The following AK5 variants were observed in gnomAD, a reference collection of about 807,000 sequenced individuals.
AK5 encodes adenylate kinase isoenzyme 5.
AK5 carries 27 observed loss-of-function variants against 69.5 expected under a neutral mutation model. The observed-to-expected ratio is 0.39, with a 90% CI of 0.29 to 0.54. The LOEUF (loss-of-function observed/expected upper bound fraction) is 0.54, where lower values mean the gene tolerates loss of function less well. AK5 is among the 20% of genes least tolerant of loss of function. The pLI, the probability that AK5 is intolerant of heterozygous loss-of-function variation, is 0.71. For missense variants in AK5, 531 were observed against 700.4 expected (o/e 0.76, Z 2.73); for synonymous variants, 260 against 244.4 (o/e 1.06, Z -0.60).
At chr1:77,505,691 A>G (rs1401944071) in intron 10 of AK5, among the ~76,000 whole-genome samples, 1 of 151,808 alleles carries the variant, frequency 6.6e-6, no homozygotes. Context: ...ACATGGTGAA[A>G]CCCTGTCTCT....
At chr1:77,548,524 G>A (rs1205817683) in intron 13 of AK5, among the ~76,000 whole-genome samples, 1 of 152,182 alleles carries the variant, frequency 6.6e-6, no homozygotes, top group Non-Finnish European at 1.5e-5. Flanking sequence ...GGAAGGTGCT[G>A]GCACACAGAC....
intron 5 of AK5, among the ~76,000 whole-genome samples, chr1:77,330,973 C>T (rs1404902126): frequency 6.6e-6 from 1 of 151,786 alleles, no homozygotes; most frequent in East Asian, 1.9e-4. Flanking sequence ...ATTTTTATTT[C>T]CATTTTAAGT....
chr1:77,500,512 C>G (rs1656648541), intron 10 of AK5, among the ~76,000 whole-genome samples: 1 of 152,124 alleles, frequency 6.6e-6, no homozygotes. Context: ...GGCACGGTGG[C>G]TCACTCCTGT....
chr1:77,500,966 C>T (rs992262054), intron 10 of AK5, among the ~76,000 whole-genome samples: 7 of 152,120 alleles, frequency 4.6e-5, no homozygotes, highest in Admixed American at 1.3e-4. Context: ...GCCCATACAG[C>T]GCAGTGTAGA....
chr1:77,452,652 A>G (rs565569858), intron 8 of AK5, among the ~76,000 whole-genome samples: 1 of 152,230 alleles, frequency 6.6e-6, no homozygotes, highest in Non-Finnish European at 1.5e-5. Flanking sequence ...AGAGCCTCTC[A>G]TGCTTTTCCA....
chr1:77,549,127 C>T (rs563056181), intron 13 of AK5, among the ~76,000 whole-genome samples: 5 of 152,094 alleles, frequency 3.3e-5, no homozygotes, highest in East Asian at 1.9e-4. Context: ...CCGCCCTCCT[C>T]GGCCTCCCAA....
intron 13 of AK5, among the ~76,000 whole-genome samples, chr1:77,538,032 A>G (rs978950443): frequency 1.3e-5 from 2 of 152,190 alleles, no homozygotes; most frequent in African/African-American, 4.8e-5. Flanking sequence ...TTTTAAAAAT[A>G]AAGACTTCGA....
At chr1:77,376,564 G>A (rs74734959) in intron 6 of AK5, among the ~76,000 whole-genome samples, 2,517 of 149,502 alleles carry the variant, frequency 0.017, 71 homozygotes, top group African/African-American at 0.059. Flanking sequence ...TTTTCAAAAA[G>A]AACCATTAAC....
At chr1:77,436,212 TTAAA>T (rs1411612398) in intron 8 of AK5, among the ~76,000 whole-genome samples, 2 of 152,138 alleles carry the variant, frequency 1.3e-5, no homozygotes, top group African/African-American at 4.8e-5. Context: ...GAAACAATCT[TTAAA>T]TAACCTCTAA....
chr1:77,411,672 A>G (rs1650054426), intron 7 of AK5, among the ~76,000 whole-genome samples: 1 of 152,178 alleles, frequency 6.6e-6, no homozygotes, highest in Non-Finnish European at 1.5e-5. Flanking sequence ...TGGCTTCAAC[A>G]TCAATTCTAT....
intron 10 of AK5, among the ~76,000 whole-genome samples, chr1:77,497,202 C>T (rs1441434426): frequency 6.6e-6 from 1 of 152,210 alleles, no homozygotes; most frequent in Non-Finnish European, 1.5e-5. Flanking sequence ...CCCTTAAGAG[C>T]TGTAACGCTC....
At chr1:77,323,928 C>G (rs1236808425) in intron 5 of AK5, among the ~76,000 whole-genome samples, 3 of 152,170 alleles carry the variant, frequency 2.0e-5, no homozygotes, top group Non-Finnish European at 4.4e-5. Flanking sequence ...AGCACCAAAT[C>G]AATAATCTAA....
Position 77,432,243 on chromosome 1 carries a change from G to C in AK5, c.1059+14528G>C, listed in dbSNP as rs148726975. Among the ~76,000 whole-genome samples, 488 of 152,288 alleles carry C rather than the reference G, an allele frequency of 3.2e-3. 8 individuals carry two copies. The highest frequency in any genetic ancestry group is 0.011 in the African/African-American group (476 of 41,576). The stretch of plus-strand genomic sequence containing the variant: ...GATTTTCATTGTCCCTTGGTGCCAG[G>C]ATGTGTCCCAGATTGTTGGTCTGGT... On this transcript the variant is annotated intron_variant, in intron 8 of 13. Transcript: ENST00000354567.
intron 6 of AK5, 42 bp from the exon 7 acceptor site, chr1:77,410,939 G>A (rs758683280): frequency 2.7e-6 from 4 of 1,497,154 alleles, no homozygotes; most frequent in Non-Finnish European, 3.7e-6. Context: ...ACTAATTTGT[G>A]TATTCTCACA....
chr1:77,518,430 C>T (rs1021830220), intron 10 of AK5, 134 bp from the exon 11 acceptor site: 1 of 887,002 alleles, frequency 1.1e-6, no homozygotes, highest in African/African-American at 1.7e-5. Flanking sequence ...AGCACAGCTC[C>T]TGGTATAGCA....
rs114625680 is a variant in AK5 at position 77,358,274 on chromosome 1, G to A, written c.891+17706G>A. Among the ~76,000 whole-genome samples, 184 of 152,120 alleles carry A rather than the reference G, an allele frequency of 1.2e-3. 2 individuals carry two copies. The highest frequency in any genetic ancestry group is 4.2e-3 in the African/African-American group (175 of 41,476). On this transcript the variant is annotated intron_variant, in intron 6 of 13. Coordinates refer to ENST00000354567, the MANE Select transcript of AK5 (RefSeq NM_174858.3). ...TTTTTTAACTTAAAATTATTCACAA[G>A]CATGTTTACAAGGCATCAATTGGGC...
chr1:77,511,402 A>T (rs984153216), intron 10 of AK5, among the ~76,000 whole-genome samples: 1 of 152,260 alleles, frequency 6.6e-6, no homozygotes, highest in African/African-American at 2.4e-5. Flanking sequence ...AGTTTTCCAA[A>T]CAGGATAAAG....
chr1:77,398,620 G>C (rs1179265130), intron 6 of AK5, among the ~76,000 whole-genome samples: 1 of 152,188 alleles, frequency 6.6e-6, no homozygotes, highest in South Asian at 2.1e-4. Context: ...TCAGAATGCT[G>C]TAGGTGCAGT....
intron 6 of AK5, among the ~76,000 whole-genome samples, chr1:77,343,513 A>T (rs147270977): frequency 6.6e-6 from 1 of 152,200 alleles, no homozygotes; most frequent in Non-Finnish European, 1.5e-5. Context: ...TATGTATAAC[A>T]TGGTAGATGA....
Sources: gnomAD v4.1 joint callset for allele counts (sites outside exome capture counted in the v4.1 genomes callset) on GRCh38, gnomAD v4.1.1 for gene constraint, MANE v1.5 for transcripts, NCBI Gene and HGNC (gene_info 2026-07-23, HGNC 2026-07-21) for gene names.